The following CERS5 variants were observed in gnomAD, a reference collection of about 807,000 sequenced individuals.
CERS5 encodes ceramide synthase 5, also known as LAG1 homolog, ceramide synthase 5.
CERS5 carries 37 observed loss-of-function variants against 58.9 expected under a neutral mutation model. The ratio of observed to expected loss-of-function variants is 0.63; its 90% CI spans 0.48 to 0.83. CERS5 has a LOEUF of 0.83. Ranked by LOEUF, CERS5 falls within the 40% of genes least tolerant of loss-of-function variation. The probability of loss-of-function intolerance (pLI) is 0.00; values close to 1 mark genes in which losing one functional copy is unlikely to be tolerated. For synonymous variants in CERS5, 147 were observed against 177.8 expected (o/e 0.83, Z 1.38); for missense variants, 398 against 489.3 (o/e 0.81, Z 1.76).
chr12:50,164,334 C>T (rs956526390), intron 1 of CERS5, among the ~76,000 whole-genome samples: 3 of 150,504 alleles, frequency 2.0e-5, no homozygotes, highest in East Asian at 1.9e-4. Flanking sequence ...ACTTGGGAGG[C>T]TGAGGTAGGA....
chr12:50,137,211 T>C (rs1167350689), intron 6 of CERS5, among the ~76,000 whole-genome samples: 2 of 152,178 alleles, frequency 1.3e-5, no homozygotes, highest in Non-Finnish European at 2.9e-5. Context: ...CATTTCCAAC[T>C]CTGTCACTAT....
intron 1 of CERS5, chr12:50,154,339 T>C: frequency 5.8e-6 from 1 of 173,804 alleles, no homozygotes. Flanking sequence ...AGAGCAAGAC[T>C]CCGTCTCAAA....
At chr12:50,158,060 C>CAA (rs11388385) in intron 1 of CERS5, among the ~76,000 whole-genome samples, 1,890 of 80,762 alleles carry the variant, frequency 0.023, 33 homozygotes, top group African/African-American at 0.05. Context: ...AGACCATGAC[C>CAA]AAAAAAAAAA....
At chr12:50,134,730 T>G (rs573863086) in intron 8 of CERS5, 28 bp from the exon 9 acceptor site, 1 of 1,599,456 alleles carries the variant, frequency 6.3e-7, no homozygotes, top group Non-Finnish European at 8.5e-7. Flanking sequence ...ATAGTCAGAT[T>G]CTAGAGTCAA....
chr12:50,160,711 T>G (rs537318122), intron 1 of CERS5, among the ~76,000 whole-genome samples: 1 of 152,310 alleles, frequency 6.6e-6, no homozygotes, highest in South Asian at 2.1e-4. Flanking sequence ...AAATACTAAG[T>G]TTCAAACAAT....
chr12:50,136,738 A>G (rs1951715991), intron 6 of CERS5, among the ~76,000 whole-genome samples: 1 of 152,176 alleles, frequency 6.6e-6, no homozygotes, highest in Non-Finnish European at 1.5e-5. Flanking sequence ...AGAAACGTCA[A>G]CCACAAGGAC....
At chr12:50,161,784 G>GAACAAAAAAAAAAAAAAAAAAAAAA (rs1939294125) in intron 1 of CERS5, among the ~76,000 whole-genome samples, 1 of 90,862 alleles carries the variant, frequency 1.1e-5, no homozygotes, top group African/African-American at 4.6e-5. Context: ...CTCAAAAAAA[G>GAACAAAAAAAAAAAAAAAAAAAAAA]AAAAAAAAAA....
intron 1 of CERS5, among the ~76,000 whole-genome samples, chr12:50,160,622 A>C (rs1260341506): frequency 6.6e-6 from 1 of 152,238 alleles, no homozygotes; most frequent in Non-Finnish European, 1.5e-5. Context: ...TTTAAAATAA[A>C]TGAACCTATA....
rs1272087450 is a variant in CERS5, at chr12:50,167,194, G to C, written c.104C>G (p.Pro35Arg). ...GCGGGGGTAACCGTAGCCGTCGGCC[G>C]GCCCCTCCAGATCAGCCCAGCTCAC... ...ENVSWADLEG[P>R]ADGYGYPRGR... The change falls in exon 1 of 10, where the codon CCG (proline) becomes CGG (arginine). Residue 35 changes from proline to arginine, a missense_variant. This residue lies in a region of CERS5 where 328 missense variants were observed against 384.5 expected (regional missense o/e 0.85). Coordinates refer to ENST00000317551, the MANE Select transcript of CERS5 (RefSeq NM_147190.5). The C allele has an allele frequency of 5.6e-6, 9 of 1,605,686 alleles. No individual in the cohort carries two copies. Among genetic ancestry groups the C allele is most frequent in the Non-Finnish European group, 6.8e-6 (8 of 1,177,808 alleles).
intron 8 of CERS5, chr12:50,135,412 A>G: frequency 5.5e-6 from 3 of 540,760 alleles, no homozygotes; most frequent in Admixed American, 4.7e-5. Flanking sequence ...TCAACAGTGC[A>G]AAAGAAGTCA....
intron 4 of CERS5, 141 bp from the exon 5 acceptor site, chr12:50,138,758 G>T (rs1951820947): frequency 2.7e-6 from 2 of 732,554 alleles, no homozygotes; most frequent in Non-Finnish European, 5.0e-6. Context: ...CTCCCTAAAG[G>T]ATCAATAAAT....
At chr12:50,143,752 C>T (rs527699248) in intron 2 of CERS5, 200 bp downstream of exon 2, 130 of 502,548 alleles carry the variant, frequency 2.6e-4, no homozygotes, top group South Asian at 2.4e-3. Context: ...AAACCTACTA[C>T]GTACGTAAAC....
intron 1 of CERS5, chr12:50,165,708 C>T (rs1939810932): frequency 4.6e-6 from 1 of 217,998 alleles, no homozygotes; most frequent in Non-Finnish European, 9.4e-6. Context: ...CAGAAATTAA[C>T]AGATTATTTC....
chr12:50,134,773 G>A (rs1951542148), intron 8 of CERS5, 71 bp from the exon 9 acceptor site: 17 of 1,402,744 alleles, frequency 1.2e-5, no homozygotes, highest in Middle Eastern at 2.1e-4. Flanking sequence ...CTGAGTCCTG[G>A]GGATGCAGAG....
chr12:50,165,441 GAA>G (rs58167504), intron 1 of CERS5: 13 of 145,364 alleles, frequency 8.9e-5, no homozygotes, highest in South Asian at 4.3e-4. Context: ...AAAAGAAAAA[GAA>G]AAAAAAAAAA....
chr12:50,130,511 G>A lies in CERS5; in HGVS notation c.*34C>T. ...GAGTATGTTGCCAGTGGCCCTACAA[G>A]TCCATGTGTGCTGAAGTCCCTATAG... On this transcript the variant is annotated 3_prime_UTR_variant, in exon 10 of 10. Transcript: ENST00000317551. 1 of 1,534,516 alleles carries A rather than the reference G, an allele frequency of 6.5e-7. No homozygotes were observed. The highest frequency in any genetic ancestry group is 8.9e-7 in the Non-Finnish European group (1 of 1,126,470).
intron 9 of CERS5, among the ~76,000 whole-genome samples, chr12:50,132,105 T>C (rs1592325889): frequency 7.3e-6 from 1 of 137,882 alleles, no homozygotes; most frequent in Admixed American, 7.4e-5. Context: ...ACCTTGTCTC[T>C]AAAAAAAAAA....
intron 6 of CERS5, 67 bp from the exon 7 acceptor site, chr12:50,136,136 G>T: frequency 7.3e-7 from 1 of 1,377,670 alleles, no homozygotes; most frequent in Non-Finnish European, 9.7e-7. Context: ...CCAACCCAAC[G>T]TCCTGCATTA....
intron 9 of CERS5, chr12:50,134,308 A>C: frequency 9.9e-7 from 1 of 1,012,366 alleles, no homozygotes; most frequent in African/African-American, 1.6e-5. Context: ...CCCAGGTGTG[A>C]GGCTGCAGTA....
Sources: gnomAD v4.1 joint callset for allele counts (sites outside exome capture counted in the v4.1 genomes callset) on GRCh38, gnomAD v4.1.1 for gene constraint, gnomAD v4.1.1 regional missense constraint, MANE v1.5 for transcripts, NCBI Gene and HGNC (gene_info 2026-07-23, HGNC 2026-07-21) for gene names.